Variants in HLTF observed in about 807,000 individuals in gnomAD.
HLTF encodes the protein helicase like transcription factor.
HLTF carries 127 observed loss-of-function variants against 129.4 expected under a neutral mutation model. The observed-to-expected ratio is 0.98, with a 90% CI of 0.85 to 1.14. The LOEUF (loss-of-function observed/expected upper bound fraction) is 1.14. Among genes scored for constraint, HLTF ranks in the 50% most tolerant of loss-of-function variants. HLTF has a pLI of 0.00. For synonymous variants in HLTF, 332 were observed against 388.8 expected (o/e 0.85, Z 1.72); for missense variants, 1,139 against 1,187.1 (o/e 0.96, Z 0.60).
Position 149,032,178 on chromosome 3 carries a change from C to T in HLTF, c.*42G>A, listed in dbSNP as rs1032242497. On this transcript the variant is annotated 3_prime_UTR_variant, in exon 25 of 25. Transcript: ENST00000310053. The stretch of plus-strand genomic sequence containing the variant: ...CTCTGTATTTTTCTCATTTCTAAAA[C>T]TTAAGTATCCAATCAAACTGACCTT... 3 of 1,416,870 alleles carry T rather than the reference C, an allele frequency of 2.1e-6. No homozygotes were observed. The African/African-American group carries it at 4.4e-5, about 21-fold the overall frequency. The allele number at this position is 1,416,870 out of a possible 1,614,324, so 87.8% of individuals were successfully genotyped here.
At chr3:149,035,370 A>T (rs1209603071) in intron 23 of HLTF, among the ~76,000 whole-genome samples, 3 of 152,132 alleles carry the variant, frequency 2.0e-5, no homozygotes, top group Non-Finnish European at 4.4e-5. Flanking sequence ...GAGAAAAGAC[A>T]CAATTCTTGG....
Position 149,039,236 on chromosome 3 carries a change from G to C in HLTF, c.2616-7C>G, listed in dbSNP as rs749969364. On this transcript the variant is annotated splice_region_variant and splice_polypyrimidine_tract_variant and intron_variant, in intron 22 of 24. Transcript: ENST00000310053. Reference sequence around the variant, plus strand: ...AAACACAAATCCAGAGGCTCTAAAGGGGGGAAGAAAAGAGACAAGTAACAA... The same window carrying C: ...AAACACAAATCCAGAGGCTCTAAAGCGGGGAAGAAAAGAGACAAGTAACAA... 7 of 1,511,220 alleles carry C rather than the reference G, an allele frequency of 4.6e-6. No individual in the cohort carries two copies. Among genetic ancestry groups the C allele is most frequent in the East Asian group, 2.4e-5 (1 of 41,840 alleles). The allele number at this position is 1,511,220 out of a possible 1,614,324, so 93.6% of individuals were successfully genotyped here.
Position 149,050,281 on chromosome 3 carries a change from T to C in HLTF, c.1568A>G (p.Lys523Arg). ...ATACGTAGTCAAAACAATATCCTGTTTTGAAAGTAAGGCCGGTTCTCTAAT... is the reference window on the plus strand; with the variant it reads ...ATACGTAGTCAAAACAATATCCTGTCTTGAAAGTAAGGCCGGTTCTCTAAT... The part of the protein sequence containing the change: ...DRIREPALLS[K>R]QDIVLTTYNI... Residue 523 changes from lysine to arginine, a missense_variant, in exon 15 of 25, where the codon AAA becomes AGA. Lys to Arg is a conservative substitution (Grantham distance 26, BLOSUM62 2). Coordinates refer to ENST00000310053, the MANE Select transcript of HLTF (RefSeq NM_003071.4). 1 of 1,601,134 alleles carries C rather than the reference T, an allele frequency of 6.2e-7. No individual in the cohort carries two copies. The highest frequency in any genetic ancestry group is 1.3e-5 in the African/African-American group (1 of 74,696).
chr3:149,045,030 A>G (rs1384417390), intron 18 of HLTF, among the ~76,000 whole-genome samples: 1 of 152,160 alleles, frequency 6.6e-6, no homozygotes, highest in Admixed American at 6.5e-5. Flanking sequence ...AAAACCCTTT[A>G]AGGTTTCCTG....
chr3:149,040,258 G>C (rs1716017092), intron 20 of HLTF, 102 bp from the exon 21 acceptor site: 1 of 980,872 alleles, frequency 1.0e-6, no homozygotes, highest in East Asian at 2.5e-5. Flanking sequence ...ATCTCTCATA[G>C]CTAACATTTT....
In HLTF at chr3:149,071,421, G is replaced by A. The variant is rs1342911927; in HGVS notation, c.725C>T (p.Pro242Leu). The A allele has an allele frequency of 2.5e-6, 4 of 1,612,202 alleles. No individual in the cohort carries two copies. The African/African-American group carries it at 4.0e-5, about 16-fold the overall frequency. Residue 242 changes from proline (P) to leucine (L), a missense_variant, in exon 7 of 25, where the codon CCA becomes CTA. By Grantham distance (98) the Pro-to-Leu change is moderately conservative. Coordinates refer to ENST00000310053, the MANE Select transcript of HLTF (RefSeq NM_003071.4). ...CCAAGCTAGAGCTTGTTTTTGATGT[G>A]GAAGCAGTGGTGTTTCAATAGCCTA... ...PAEAIETPLL[P>L]HQKQALAWMV...
chr3:149,070,259 A>G (rs1718736596), intron 7 of HLTF, among the ~76,000 whole-genome samples: 1 of 152,240 alleles, frequency 6.6e-6, no homozygotes, highest in Admixed American at 6.5e-5. Flanking sequence ...CGTCGTAAGG[A>G]CAAATTTTCT....
At chr3:149,083,433 G>T (rs1576632201) in intron 2 of HLTF, among the ~76,000 whole-genome samples, 1 of 151,924 alleles carries the variant, frequency 6.6e-6, no homozygotes, top group East Asian at 1.9e-4. Context: ...ATTATTCTCA[G>T]ATCAAAAATA....
At chr3:149,049,961 C>T (rs190624487) in intron 15 of HLTF, among the ~76,000 whole-genome samples, 18 of 151,668 alleles carry the variant, frequency 1.2e-4, no homozygotes, top group African/African-American at 2.7e-4. Flanking sequence ...CATTATATTC[C>T]AGCCTGGGCA....
intron 10 of HLTF, among the ~76,000 whole-genome samples, chr3:149,062,710 G>A (rs900005237): frequency 2.6e-5 from 4 of 152,112 alleles, no homozygotes; most frequent in Non-Finnish European, 5.9e-5. Flanking sequence ...CACTACATGT[G>A]AAGAACTGAA....
At chr3:149,071,549 G>C (rs1225834104) in intron 6 of HLTF, 34 bp downstream of exon 6, 1 of 1,478,674 alleles carries the variant, frequency 6.8e-7, no homozygotes, top group South Asian at 1.2e-5. Flanking sequence ...TAAACATTCT[G>C]AGTAGTCTTA....
At chr3:149,066,189 G>T (rs2108031350) in intron 8 of HLTF, among the ~76,000 whole-genome samples, 1 of 152,114 alleles carries the variant, frequency 6.6e-6, no homozygotes, top group East Asian at 1.9e-4. Flanking sequence ...TGAGATTACA[G>T]GTATGCGCCA....
At chr3:149,054,662 T>C (rs1363822935) in intron 14 of HLTF, among the ~76,000 whole-genome samples, 1 of 152,086 alleles carries the variant, frequency 6.6e-6, no homozygotes, top group Non-Finnish European at 1.5e-5. Flanking sequence ...CATTCCAATG[T>C]CAATGTTTCA....
chr3:149,064,160 G>C (rs13098422), intron 9 of HLTF, among the ~76,000 whole-genome samples: 4,024 of 151,768 alleles, frequency 0.027, 67 homozygotes, highest in South Asian at 0.051. Flanking sequence ...AACTCATCTA[G>C]GTAGATGAGT....
chr3:149,064,585 C>T (rs1460237612), intron 9 of HLTF, among the ~76,000 whole-genome samples: 1 of 152,090 alleles, frequency 6.6e-6, no homozygotes, highest in African/African-American at 2.4e-5. Context: ...TGTTATACTA[C>T]CCAATTCAAT....
Position 149,030,371 on chromosome 3 carries a change from C to T in HLTF, c.*1849G>A, listed in dbSNP as rs1233756210. 9.2e-5 allele frequency: 14 copies of T among 151,974 alleles called. No individual in the cohort carries two copies. The highest frequency in any genetic ancestry group is 2.7e-4 in the African/African-American group (11 of 41,366). The allele number at this position is 151,974 out of a possible 1,614,324, so 9.4% of individuals were successfully genotyped here. Reference sequence around the variant, plus strand: ...ACTTTTAAAATATAACAACATCTAACAGAACTGTACAAAACAAAGAGACAT... The same window carrying T: ...ACTTTTAAAATATAACAACATCTAATAGAACTGTACAAAACAAAGAGACAT... On this transcript the variant is annotated 3_prime_UTR_variant, in exon 25 of 25. Transcript: ENST00000310053.
intron 2 of HLTF, among the ~76,000 whole-genome samples, chr3:149,076,596 G>C (rs1486771200): frequency 6.6e-6 from 1 of 151,978 alleles, no homozygotes; most frequent in East Asian, 1.9e-4. Context: ...TAAAAGTCAG[G>C]GAATAAGGCA....
intron 8 of HLTF, among the ~76,000 whole-genome samples, chr3:149,067,873 G>A (rs1317158134): frequency 6.6e-6 from 1 of 152,052 alleles, no homozygotes; most frequent in Non-Finnish European, 1.5e-5. Flanking sequence ...ATACCTGCTG[G>A]TGGCTCACAC....
At chr3:149,070,713 G>A (rs1307601350) in intron 7 of HLTF, among the ~76,000 whole-genome samples, 5 of 152,168 alleles carry the variant, frequency 3.3e-5, no homozygotes, top group African/African-American at 1.2e-4. Flanking sequence ...GAAAACCTAT[G>A]AAAGACAGGT....
Sources: allele counts gnomAD v4.1 joint callset (sites outside exome capture counted in the v4.1 genomes callset), GRCh38; gene constraint gnomAD v4.1.1; transcripts MANE v1.5; gene names NCBI Gene and HGNC (gene_info 2026-07-23, HGNC 2026-07-21).